GAN: variants seen among roughly 807,000 people sequenced by gnomAD.
GAN encodes gigaxonin.
In GAN, 48 loss-of-function variants were observed where a neutral mutation model predicts 71.3. The ratio of observed to expected loss-of-function variants is 0.67; its 90% confidence interval spans 0.53 to 0.86. The LOEUF is 0.86. Ranked by LOEUF, GAN falls within the 40% of genes least tolerant of loss-of-function variation. The probability of loss-of-function intolerance (pLI) is 0.00; values close to 1 mark genes in which losing one functional copy is unlikely to be tolerated. For synonymous variants in GAN, 386 were observed against 276.8 expected, an observed-to-expected ratio of 1.39 and a Z score of -3.92; for missense variants, 928 against 770.1, an observed-to-expected ratio of 1.21 and a Z score of -2.43.
intron 1 of GAN, among the ~76,000 whole-genome samples, chr16:81,333,958 C>T (rs148671340): frequency 6.6e-6 from 1 of 152,226 alleles, no homozygotes; most frequent in Middle Eastern, 3.2e-3. Flanking sequence ...CATGCACACT[C>T]TGCAGAAGTT....
chr16:81,368,430 C>G (rs1247771007), intron 9 of GAN, among the ~76,000 whole-genome samples: 1 of 152,194 alleles, frequency 6.6e-6, no homozygotes. Flanking sequence ...GAGACCTTGT[C>G]TCTATGAATT....
intron 9 of GAN, among the ~76,000 whole-genome samples, chr16:81,370,693 G>A (rs1911010860): frequency 2.0e-5 from 3 of 152,252 alleles, no homozygotes; most frequent in South Asian, 2.1e-4. Flanking sequence ...AGCCGACAGC[G>A]GCATAGTGGC....
intron 1 of GAN, among the ~76,000 whole-genome samples, chr16:81,341,696 C>G (rs908051689): frequency 6.6e-6 from 1 of 152,134 alleles, no homozygotes; most frequent in African/African-American, 2.4e-5. Context: ...ATTGTAAAGA[C>G]CATCGATGCT....
In GAN at chr16:81,361,535, TTCTG is replaced by T. The variant is rs201513693; in HGVS notation, c.974-960_974-957del. Among the ~76,000 whole-genome samples, 1,066 of 152,312 alleles carry T rather than the reference TTCTG, an allele frequency of 7.0e-3. 13 individuals are homozygous for T. Among genetic ancestry groups the T allele is most frequent in the African/African-American group, 0.025 (1,031 of 41,572 alleles). On this transcript the variant is annotated intron_variant, in intron 5 of 10. Transcript: ENST00000648994. ...TTTTCTGTGGACCTGGAGCTTAAACTTCTGTCTTTTTCATCCCCAGGACAAAAGG... is the reference window on the plus strand; with the variant it reads ...TTTTCTGTGGACCTGGAGCTTAAACTTCTTTTTCATCCCCAGGACAAAAGG...
chr16:81,321,250 G>T lies in GAN; in HGVS notation c.167+5970G>T, dbSNP rs187233842. Among the ~76,000 whole-genome samples the T allele has an allele frequency of 7.7e-3, 1,166 of 152,354 alleles. 5 individuals are homozygous for T. The highest frequency in any genetic ancestry group is 0.012 in the Non-Finnish European group (834 of 68,032). On this transcript the variant is annotated intron_variant, in intron 1 of 10. Transcript: ENST00000648994. ...TAGTGTCTGTAGCATAGAGGGAAGTGTGGGGTGTTCAGATTTATCGTAGAA... is the reference window on the plus strand; with the variant it reads ...TAGTGTCTGTAGCATAGAGGGAAGTTTGGGGTGTTCAGATTTATCGTAGAA...
intron 1 of GAN, among the ~76,000 whole-genome samples, chr16:81,322,273 G>A (rs1909246652): frequency 6.6e-6 from 1 of 152,206 alleles, no homozygotes; most frequent in African/African-American, 2.4e-5. Flanking sequence ...GAATACTTAG[G>A]TAAATAAGAT....
intron 1 of GAN, among the ~76,000 whole-genome samples, chr16:81,331,263 A>T (rs1160842652): frequency 6.6e-6 from 1 of 152,208 alleles, no homozygotes; most frequent in Non-Finnish European, 1.5e-5. Flanking sequence ...ACCAGTGCAC[A>T]TCAAAGTGCT....
At chr16:81,373,906 C>G (rs1250533030) in intron 9 of GAN, among the ~76,000 whole-genome samples, 1 of 152,130 alleles carries the variant, frequency 6.6e-6, no homozygotes. Flanking sequence ...CCATGCCCAG[C>G]TAATTTTTGT....
chr16:81,361,198 C>A lies in GAN; in HGVS notation c.974-1301C>A, dbSNP rs550291769. On this transcript the variant is annotated intron_variant, in intron 5 of 10. Coordinates refer to ENST00000648994, the MANE Select transcript of GAN (RefSeq NM_022041.4). The stretch of plus-strand genomic sequence containing the variant: ...TGTGATTGCACCACTGCCCTCCAGC[C>A]TGGGCGACAGAGCAAGACTGTCTTT... Among the ~76,000 whole-genome samples, 267 of 152,218 alleles carry A rather than the reference C, an allele frequency of 1.8e-3. 2 individuals carry two copies. The highest frequency in any genetic ancestry group is 3.4e-3 in the Middle Eastern group (1 of 294).
chr16:81,389,864 G>A lies in GAN; in HGVS notation c.*12268G>A, dbSNP rs560925027. The A allele has an allele frequency of 1.3e-5, 2 of 152,266 alleles. No homozygotes were observed. Among genetic ancestry groups the A allele is most frequent in the African/African-American group, 4.8e-5 (2 of 41,530 alleles). 9.4% of individuals were successfully genotyped at this position (152,266 alleles called of 1,614,324 possible). On this transcript the variant is annotated 3_prime_UTR_variant, in exon 11 of 11. Coordinates refer to ENST00000648994, the MANE Select transcript of GAN (RefSeq NM_022041.4). ...TGACTGTCACCCTTGTCCAAGACTG[G>A]TTTTTAACAGTCTTGATTTGTCATT... is the stretch of plus-strand genomic sequence containing the variant.
At chr16:81,358,469 C>T (rs1261200431) in intron 5 of GAN, among the ~76,000 whole-genome samples, 1 of 151,920 alleles carries the variant, frequency 6.6e-6, no homozygotes, top group African/African-American at 2.4e-5. Context: ...ATTAGCCAGG[C>T]ATAGTGGCAT....
At position 81,386,425 on chromosome 16, in the gene GAN, GTGTT is replaced by G. The variant is rs1904403403; in HGVS notation, c.*8833_*8836del. The G allele has an allele frequency of 6.6e-6, 1 of 152,200 alleles. No individual in the cohort carries two copies. The highest frequency in any genetic ancestry group is 1.9e-4 in the East Asian group (1 of 5,182). 9.4% of individuals were successfully genotyped at this position (152,200 alleles called of 1,614,324 possible). ...CAAGTACTTGTGTGTACGTGCATGTGTGTTTGTGCATGTGTCTGTGTGTGTGGAA... is the reference window on the plus strand; with the variant it reads ...CAAGTACTTGTGTGTACGTGCATGTGTGTGCATGTGTCTGTGTGTGTGGAA... On this transcript the variant is annotated 3_prime_UTR_variant, in exon 11 of 11. Coordinates refer to ENST00000648994, the MANE Select transcript of GAN (RefSeq NM_022041.4).
At chr16:81,355,344 C>T (rs1270690396) in intron 3 of GAN, among the ~76,000 whole-genome samples, 1 of 152,140 alleles carries the variant, frequency 6.6e-6, no homozygotes, top group Non-Finnish European at 1.5e-5. Flanking sequence ...GAGGAAGGAG[C>T]AAAATCACAG....
Position 81,377,335 on chromosome 16 carries a change from G to C in GAN, c.1612+7G>C. 6.3e-7 allele frequency: 1 copy of C among 1,579,432 alleles called. No individual in the cohort carries two copies. Among genetic ancestry groups the C allele is most frequent in the Non-Finnish European group, 8.7e-7 (1 of 1,148,348 alleles). On this transcript the variant is annotated splice_region_variant and intron_variant, in intron 10 of 10. Coordinates refer to ENST00000648994, the MANE Select transcript of GAN (RefSeq NM_022041.4). ...ATTGGAGATCTTGATACAGGTAAGA[G>C]TGTTACAGTGATTTTCTTGGAACTG... is the stretch of plus-strand genomic sequence containing the variant.
chr16:81,365,566 C>G (rs372398691), intron 9 of GAN, 88 bp downstream of exon 9: 6 of 1,309,802 alleles, frequency 4.6e-6, no homozygotes, highest in Admixed American at 1.7e-5. Flanking sequence ...TGTTTTCAGT[C>G]ACTTTATTAA....
rs555596926 is a variant in GAN, at chr16:81,356,688, A to G, written c.634-97A>G. 3 of 870,032 alleles carry G rather than the reference A, an allele frequency of 3.4e-6. No individual in the cohort carries two copies. The South Asian group carries it at 4.0e-5, about 12-fold the overall frequency. 53.9% of individuals were successfully genotyped at this position (870,032 alleles called of 1,614,324 possible). ...CTTGCCTGGTAATAACCTGAGTGTT[A>G]ACAGTTTGTTTTCCATGAGGTGGAA... On this transcript the variant is annotated intron_variant, in intron 3 of 10. Transcript: ENST00000648994.
chr16:81,342,528 A>AT (rs1442920078), intron 1 of GAN, among the ~76,000 whole-genome samples: 1 of 152,214 alleles, frequency 6.6e-6, no homozygotes, highest in Non-Finnish European at 1.5e-5. Context: ...CTCCTGAATG[A>AT]TTACTGGGTA....
Position 81,379,946 on chromosome 16 carries a change from T to A in GAN, c.*2350T>A, listed in dbSNP as rs369040399. 1.2e-4 allele frequency: 18 copies of A among 152,596 alleles called. No homozygotes were observed. In the East Asian group the frequency reaches 1.5e-3, roughly 13 times the overall value. The allele number at this position is 152,596 out of a possible 1,614,324, so 9.5% of individuals were successfully genotyped here. A position where few individuals can be genotyped will look rare whatever the true frequency, so the allele number is the denominator to read the frequency against. Reference sequence around the variant, plus strand: ...TTTTTTTTAATTTCAGTTCATTGACTCTATAACTGCAGAAATTAGATAATG... The same window carrying A: ...TTTTTTTTAATTTCAGTTCATTGACACTATAACTGCAGAAATTAGATAATG... On this transcript the variant is annotated 3_prime_UTR_variant, in exon 11 of 11. Coordinates refer to ENST00000648994, the MANE Select transcript of GAN (RefSeq NM_022041.4).
At chr16:81,333,398 C>T (rs1472874602) in intron 1 of GAN, among the ~76,000 whole-genome samples, 2 of 152,132 alleles carry the variant, frequency 1.3e-5, no homozygotes, top group South Asian at 2.1e-4. Flanking sequence ...TTTTATAACC[C>T]GGTCCATCCT....
Sources: allele counts gnomAD v4.1 joint callset (sites outside exome capture counted in the v4.1 genomes callset), GRCh38; gene constraint gnomAD v4.1.1; transcripts MANE v1.5; gene names NCBI Gene and HGNC (gene_info 2026-07-23, HGNC 2026-07-21).